Variants in AGPAT4 observed in about 807,000 individuals in gnomAD.
The protein encoded by AGPAT4 is 1-acylglycerol-3-phosphate O-acyltransferase 4, also known as 1-acyl-sn-glycerol-3-phosphate acyltransferase delta.
In AGPAT4, 15 loss-of-function variants were observed where a neutral mutation model predicts 48.0. That is an observed-to-expected ratio of 0.31 (90% CI 0.21 to 0.48). The LOEUF is 0.48. Ranked by LOEUF, AGPAT4 falls within the 20% of genes least tolerant of loss-of-function variation. AGPAT4 has a pLI of 0.99. For missense variants in AGPAT4, 314 were observed against 482.5 expected (o/e 0.65, Z 3.27); for synonymous variants, 178 against 198.7 (o/e 0.90, Z 0.88).
rs931605888 is a variant in AGPAT4, at chr6:161,208,984, T to C, written c.178+23052A>G. Among the ~76,000 whole-genome samples, 1 of 152,168 alleles carries C rather than the reference T, an allele frequency of 6.6e-6. No individual in the cohort carries two copies. Among genetic ancestry groups the C allele is most frequent in the Non-Finnish European group, 1.5e-5 (1 of 68,022 alleles). On this transcript the variant is annotated intron_variant, in intron 2 of 8. Coordinates refer to ENST00000320285, the MANE Select transcript of AGPAT4 (RefSeq NM_020133.3). The surrounding 1 kb of genome is among the most constrained non-coding windows in gnomAD (Gnocchi z 4.6). ...ACGGCAATCATGACCTTGTGTTAAT[T>C]ACTGGGGAAGAAAACGCACATCGAA...
At chr6:161,247,081 T>C (rs889325775) in intron 1 of AGPAT4, among the ~76,000 whole-genome samples, 3 of 152,236 alleles carry the variant, frequency 2.0e-5, no homozygotes, top group African/African-American at 7.2e-5. Context: ...TGAAACTGCA[T>C]GAGGCTATAT....
In AGPAT4 at chr6:161,178,012, G is replaced by C. The variant is rs1780474340; in HGVS notation, c.179-11595C>G. 6.6e-6 allele frequency among the ~76,000 whole-genome samples: 1 copy of C among 152,204 alleles called. No homozygotes were observed. Reference sequence around the variant, plus strand: ...TTGCTGCCTGATCCTTCCTCTGAAAGCTTCGTCTCAGAGGGGCACCTGACT... The same window carrying C: ...TTGCTGCCTGATCCTTCCTCTGAAACCTTCGTCTCAGAGGGGCACCTGACT... On this transcript the variant is annotated intron_variant, in intron 2 of 8. Transcript: ENST00000320285. This position sits in a 1 kb window ranked among gnomAD's most constrained non-coding sequence, Gnocchi z 5.1.
At position 161,222,814 on chromosome 6, in the gene AGPAT4, A is replaced by C. The variant is rs936770993; in HGVS notation, c.178+9222T>G. Among the ~76,000 whole-genome samples, 4 of 152,116 alleles carry C rather than the reference A, an allele frequency of 2.6e-5. No homozygotes were observed. The highest frequency in any genetic ancestry group is 4.8e-5 in the African/African-American group (2 of 41,434). On this transcript the variant is annotated intron_variant, in intron 2 of 8. Coordinates refer to ENST00000320285, the MANE Select transcript of AGPAT4 (RefSeq NM_020133.3). The surrounding 1 kb of genome is among the most constrained non-coding windows in gnomAD (Gnocchi z 5.9). ...GTCTGTGGATGCTTCCTCTGGCCTC[A>C]TTCATTTGCACGGTGGCCTCACGAC...
Position 161,214,319 on chromosome 6 carries a change from C to T in AGPAT4, c.178+17717G>A, listed in dbSNP as rs117110457. Among the ~76,000 whole-genome samples the T allele has an allele frequency of 5.5e-4, 84 of 152,314 alleles. 1 individual carries two copies. In the East Asian group the frequency reaches 0.013, roughly 24 times the overall value. On this transcript the variant is annotated intron_variant, in intron 2 of 8. Transcript: ENST00000320285. This position sits in a 1 kb window ranked among gnomAD's most constrained non-coding sequence, Gnocchi z 5.4. Reference sequence around the variant, plus strand: ...AGGCTGTGTCACAGGCACACATCCTCAACCTTGACAAAATAAACTTTCTAA... The same window carrying T: ...AGGCTGTGTCACAGGCACACATCCTTAACCTTGACAAAATAAACTTTCTAA...
chr6:161,225,108 C>A lies in AGPAT4; in HGVS notation c.178+6928G>T, dbSNP rs1201312222. ...CATTCGGATTATTACCTGCTCTACC[C>A]AGACTCATTCGGATTACCTGCTCCA... is the stretch of plus-strand genomic sequence containing the variant. On this transcript the variant is annotated intron_variant, in intron 2 of 8. Coordinates refer to ENST00000320285, the MANE Select transcript of AGPAT4 (RefSeq NM_020133.3). The surrounding 1 kb of genome is among the most constrained non-coding windows in gnomAD (Gnocchi z 5.0). Among the ~76,000 whole-genome samples the A allele has an allele frequency of 6.6e-6, 1 of 150,558 alleles. No individual in the cohort carries two copies. The highest frequency in any genetic ancestry group is 2.5e-5 in the African/African-American group (1 of 40,048).
rs911016177 is a variant in AGPAT4 at position 161,166,993 on chromosome 6, T to C, written c.179-576A>G. Among the ~76,000 whole-genome samples the C allele has an allele frequency of 6.6e-6, 1 of 152,116 alleles. No individual in the cohort carries two copies. Among genetic ancestry groups the C allele is most frequent in the Non-Finnish European group, 1.5e-5 (1 of 68,030 alleles). On this transcript the variant is annotated intron_variant, in intron 2 of 8. Transcript: ENST00000320285. This position sits in a 1 kb window ranked among gnomAD's most constrained non-coding sequence, Gnocchi z 6.7. ...CTATTGAAATAGTCTTTGTAGGGGC[T>C]TGTGAAAAGAAAAAGATTCTTTCTT...
Position 161,218,608 on chromosome 6 carries a change from G to A in AGPAT4, c.178+13428C>T, listed in dbSNP as rs755485897. Among the ~76,000 whole-genome samples the A allele has an allele frequency of 2.2e-4, 34 of 152,148 alleles. No homozygotes were observed. The highest frequency in any genetic ancestry group is 3.2e-4 in the Non-Finnish European group (22 of 68,028). The stretch of plus-strand genomic sequence containing the variant: ...TCCAAGTGCGTGTTACCATAACACC[G>A]GGGCAGGATCCTCCGCTCCACGGCC... On this transcript the variant is annotated intron_variant, in intron 2 of 8. Coordinates refer to ENST00000320285, the MANE Select transcript of AGPAT4 (RefSeq NM_020133.3). This position sits in a 1 kb window ranked among gnomAD's most constrained non-coding sequence, Gnocchi z 4.7.
intron 2 of AGPAT4, among the ~76,000 whole-genome samples, chr6:161,186,044 T>C (rs1283150285): frequency 6.6e-6 from 1 of 152,172 alleles, no homozygotes; most frequent in Non-Finnish European, 1.5e-5. Context: ...TCTCGAAATC[T>C]TCCATTTTCT....
chr6:161,143,920 G>T lies in AGPAT4; in HGVS notation c.843+2604C>A. ...CTTTACTTGTCCATGAAATTGAAAA[G>T]TCAGAGAACTACTGCCCTAAAATCC... On this transcript the variant is annotated intron_variant, in intron 7 of 8. Transcript: ENST00000320285. The surrounding 1 kb of genome is among the most constrained non-coding windows in gnomAD (Gnocchi z 4.7). 1 of 299,050 alleles carries T rather than the reference G, an allele frequency of 3.3e-6. No homozygotes were observed. Among genetic ancestry groups the T allele is most frequent in the Non-Finnish European group, 6.6e-6 (1 of 150,500 alleles). 18.5% of individuals were successfully genotyped at this position (299,050 alleles called of 1,614,324 possible).
chr6:161,184,118 C>T lies in AGPAT4; in HGVS notation c.179-17701G>A, dbSNP rs1780694557. ...TACATCCAGTGCCTGGAACTGGGGA[C>T]ACATTTCAGAGCATGACTTTGGCTG... is the stretch of plus-strand genomic sequence containing the variant. On this transcript the variant is annotated intron_variant, in intron 2 of 8. Coordinates refer to ENST00000320285, the MANE Select transcript of AGPAT4 (RefSeq NM_020133.3). The surrounding 1 kb of genome is among the most constrained non-coding windows in gnomAD (Gnocchi z 4.8). Among the ~76,000 whole-genome samples the T allele has an allele frequency of 1.3e-5, 2 of 151,980 alleles. No individual in the cohort carries two copies. The highest frequency in any genetic ancestry group is 2.9e-5 in the Non-Finnish European group (2 of 67,998).
chr6:161,198,067 T>C lies in AGPAT4; in HGVS notation c.179-31650A>G, dbSNP rs1233251110. On this transcript the variant is annotated intron_variant, in intron 2 of 8. Coordinates refer to ENST00000320285, the MANE Select transcript of AGPAT4 (RefSeq NM_020133.3). The surrounding 1 kb of genome is among the most constrained non-coding windows in gnomAD (Gnocchi z 4.3). ...TTCTTCCCACTCTTCTTTTGTTTAA[T>C]ATTTTAAAATATTTCCCTTTACTGT... 2.0e-5 allele frequency among the ~76,000 whole-genome samples: 3 copies of C among 152,230 alleles called. No homozygotes were observed. Among genetic ancestry groups the C allele is most frequent in the African/African-American group, 7.2e-5 (3 of 41,450 alleles).
At chr6:161,211,848 G>A (rs1781530291) in intron 2 of AGPAT4, among the ~76,000 whole-genome samples, 1 of 152,040 alleles carries the variant, frequency 6.6e-6, no homozygotes, top group South Asian at 2.1e-4. Flanking sequence ...AGCAATTAAA[G>A]CCCCATCTTC....
chr6:161,254,906 C>T lies in AGPAT4; in HGVS notation c.-90+19032G>A, dbSNP rs1782904594. Among the ~76,000 whole-genome samples, 2 of 152,192 alleles carry T rather than the reference C, an allele frequency of 1.3e-5. No homozygotes were observed. Among genetic ancestry groups the T allele is most frequent in the East Asian group, 3.9e-4 (2 of 5,192 alleles). On this transcript the variant is annotated intron_variant, in intron 1 of 8. Coordinates refer to ENST00000320285, the MANE Select transcript of AGPAT4 (RefSeq NM_020133.3). This position sits in a 1 kb window ranked among gnomAD's most constrained non-coding sequence, Gnocchi z 5.9. ...CAAATCCTGGCAAGGCTGGAGAGCTCCAGAAATCCAGCGCCTGGGCTCACA... is the reference window on the plus strand; with the variant it reads ...CAAATCCTGGCAAGGCTGGAGAGCTTCAGAAATCCAGCGCCTGGGCTCACA...
rs1250268564 is a variant in AGPAT4 at position 161,219,159 on chromosome 6, C to T, written c.178+12877G>A. On this transcript the variant is annotated intron_variant, in intron 2 of 8. Coordinates refer to ENST00000320285, the MANE Select transcript of AGPAT4 (RefSeq NM_020133.3). This position sits in a 1 kb window ranked among gnomAD's most constrained non-coding sequence, Gnocchi z 4.9. Reference sequence around the variant, plus strand: ...TTTTCATAAAACTATTTCCCCCTTACTTTAAGTGTGCTATATAAATTCTAT... The same window carrying T: ...TTTTCATAAAACTATTTCCCCCTTATTTTAAGTGTGCTATATAAATTCTAT... Among the ~76,000 whole-genome samples the T allele has an allele frequency of 2.6e-5, 4 of 152,060 alleles. No homozygotes were observed. Among genetic ancestry groups the T allele is most frequent in the Admixed American group, 6.5e-5 (1 of 15,270 alleles).
intron 2 of AGPAT4, among the ~76,000 whole-genome samples, chr6:161,186,355 C>G (rs1252777630): frequency 6.6e-6 from 1 of 152,156 alleles, no homozygotes; most frequent in African/African-American, 2.4e-5. Flanking sequence ...TGCTGTCTCC[C>G]AGGGCTCCTC....
intron 1 of AGPAT4, among the ~76,000 whole-genome samples, chr6:161,247,450 C>T (rs550236376): frequency 6.6e-6 from 1 of 152,198 alleles, no homozygotes; most frequent in East Asian, 1.9e-4. Flanking sequence ...CTCCCCTTTG[C>T]TAGATAAAAC....
chr6:161,243,450 G>A lies in AGPAT4; in HGVS notation c.-89-11148C>T, dbSNP rs947221354. On this transcript the variant is annotated intron_variant, in intron 1 of 8. Transcript: ENST00000320285. This position sits in a 1 kb window ranked among gnomAD's most constrained non-coding sequence, Gnocchi z 4.8. ...GACTGGCAGCTCACGTCAGAGCCTC[G>A]GCCATCCTGCGCACTTGGCCCACCA... 2.0e-5 allele frequency among the ~76,000 whole-genome samples: 3 copies of A among 152,076 alleles called. No individual in the cohort carries two copies. The highest frequency in any genetic ancestry group is 7.2e-5 in the African/African-American group (3 of 41,410).
Position 161,137,529 on chromosome 6 carries a change from A to G in AGPAT4, c.1043-895T>C, listed in dbSNP as rs562505051. 5.3e-5 allele frequency among the ~76,000 whole-genome samples: 8 copies of G among 152,336 alleles called. No individual in the cohort carries two copies. Among genetic ancestry groups the G allele is most frequent in the East Asian group, 3.9e-4 (2 of 5,190 alleles). On this transcript the variant is annotated intron_variant, in intron 8 of 8. Coordinates refer to ENST00000320285, the MANE Select transcript of AGPAT4 (RefSeq NM_020133.3). The surrounding 1 kb of genome is among the most constrained non-coding windows in gnomAD (Gnocchi z 6.1). ...AGGAGGCACGCATCTCCCATGGGTCATTTACAAACTGGAGGGCTCCTGCAT... is the reference window on the plus strand; with the variant it reads ...AGGAGGCACGCATCTCCCATGGGTCGTTTACAAACTGGAGGGCTCCTGCAT...
In AGPAT4 at chr6:161,236,343, A is replaced by G. The variant is rs1782274147; in HGVS notation, c.-89-4041T>C. On this transcript the variant is annotated intron_variant, in intron 1 of 8. Transcript: ENST00000320285. The surrounding 1 kb of genome is among the most constrained non-coding windows in gnomAD (Gnocchi z 5.0). ...TCGTGTGCTTGACAAAGTAAAGATGATGTATTGCCTTTTTCTGGGTTTTGG... is the reference window on the plus strand; with the variant it reads ...TCGTGTGCTTGACAAAGTAAAGATGGTGTATTGCCTTTTTCTGGGTTTTGG... Among the ~76,000 whole-genome samples the G allele has an allele frequency of 6.6e-6, 1 of 152,126 alleles. No homozygotes were observed. Among genetic ancestry groups the G allele is most frequent in the South Asian group, 2.1e-4 (1 of 4,826 alleles).
Sources: allele counts gnomAD v4.1 joint callset (sites outside exome capture counted in the v4.1 genomes callset), GRCh38; gene constraint gnomAD v4.1.1; non-coding constraint Gnocchi (gnomAD v3.1); transcripts MANE v1.5; gene names NCBI Gene and HGNC (gene_info 2026-07-23, HGNC 2026-07-21).